The following HERC1 variants were observed in gnomAD, a reference collection of about 807,000 sequenced individuals.
HERC1 encodes the protein HECT and RLD domain containing E3 ubiquitin protein ligase family member 1.
HERC1 carries 160 observed loss-of-function variants against 554.3 expected under a neutral mutation model. The observed-to-expected ratio is 0.29, with a 90% CI of 0.25 to 0.33. The LOEUF is 0.33. Ranked by LOEUF, HERC1 falls within the 10% of genes least tolerant of loss-of-function variation. HERC1 has a pLI of 1.00. For synonymous variants in HERC1, 2,175 were observed against 2,131.7 expected (o/e 1.02, Z -0.56); for missense variants, 4,919 against 5,918.5 (o/e 0.83, Z 5.54).
At chr15:63,829,463 CATAT>C (rs61362807) in intron 1 of HERC1, among the ~76,000 whole-genome samples, 1 of 124,634 alleles carries the variant, frequency 8.0e-6, no homozygotes, top group African/African-American at 3.1e-5. Flanking sequence ...TGTGTGTGCA[CATAT>C]ATGTTTATAT....
At chr15:63,642,020 G>A (rs8027262) in intron 59 of HERC1, among the ~76,000 whole-genome samples, 123,637 of 152,014 alleles carry the variant, frequency 0.81, 52,154 homozygotes, top group Non-Finnish European at 0.88. Flanking sequence ...CTCTGGCTCT[G>A]TGGTTTATTC....
intron 42 of HERC1, among the ~76,000 whole-genome samples, chr15:63,665,349 T>C (rs2070568293): frequency 6.6e-6 from 1 of 152,122 alleles, no homozygotes; most frequent in Non-Finnish European, 1.5e-5. Flanking sequence ...CTGGCCAACA[T>C]GGTGAAACCC....
chr15:63,635,075 T>TA, intron 65 of HERC1, 187 bp from the exon 66 acceptor site: 1 of 402,572 alleles, frequency 2.5e-6, no homozygotes, highest in South Asian at 3.2e-5. Context: ...AGAGACAGTG[T>TA]CTTGCTCTGT....
chr15:63,716,377 T>G lies in HERC1; in HGVS notation c.4075A>C (p.Arg1359=). Residue 1359 remains arginine (R), a synonymous_variant, in exon 22 of 78, where the codon AGA becomes CGA. Transcript: ENST00000443617. The part of the protein sequence containing the change: ...EEAEMEEQAE[R]DREEGHPEPE... ...TCCGGATGCCCCTCTTCCCGGTCTC[T>G]CTCAGCCTGTTCTTCCATTTCAGCT... 6.2e-7 allele frequency: 1 copy of G among 1,613,900 alleles called. No homozygotes were observed. The highest frequency in any genetic ancestry group is 8.5e-7 in the Non-Finnish European group (1 of 1,179,834).
At chr15:63,644,657 C>T (rs945467751) in intron 57 of HERC1, among the ~76,000 whole-genome samples, 5 of 152,142 alleles carry the variant, frequency 3.3e-5, no homozygotes, top group African/African-American at 9.7e-5. Flanking sequence ...ATTCTGGCAT[C>T]AGTTGGAGAT....
chr15:63,746,816 T>C lies in HERC1; in HGVS notation c.2520+102A>G, dbSNP rs1596140184. 7.9e-6 allele frequency: 8 copies of C among 1,016,842 alleles called. No individual in the cohort carries two copies. In the East Asian group the frequency reaches 8.0e-5, roughly 10 times the overall value. The allele number at this position is 1,016,842 out of a possible 1,614,324, so 63.0% of individuals were successfully genotyped here. ...GAAAACAGGAGTAAGGGAAACAACA[T>C]CCAATTGAAATTGTCCAATGTACAG... is the stretch of plus-strand genomic sequence containing the variant. On this transcript the variant is annotated intron_variant, in intron 12 of 77. Transcript: ENST00000443617.
chr15:63,829,557 GTGTGTATATA>G (rs2078076337), intron 1 of HERC1, among the ~76,000 whole-genome samples: 4 of 66,232 alleles, frequency 6.0e-5, no homozygotes, highest in Admixed American at 1.4e-4. Context: ...GTGTGTGTGT[GTGTGTATATA>G]TATATATATA....
At chr15:63,807,185 C>A (rs1187821495) in intron 1 of HERC1, among the ~76,000 whole-genome samples, 1 of 152,160 alleles carries the variant, frequency 6.6e-6, no homozygotes, top group African/African-American at 2.4e-5. Context: ...TTGCCCCCAA[C>A]CTCCTCAAAT....
intron 34 of HERC1, among the ~76,000 whole-genome samples, chr15:63,683,701 T>C (rs76189419): frequency 0.03 from 4,556 of 152,300 alleles, 218 homozygotes; most frequent in African/African-American, 0.1. Flanking sequence ...CAGGCTGGCA[T>C]GCAGTAGTGT....
chr15:63,658,479 C>G (rs917618844), intron 48 of HERC1, 65 bp downstream of exon 48: 1 of 1,434,616 alleles, frequency 7.0e-7, no homozygotes, highest in African/African-American at 1.4e-5. Flanking sequence ...CCAAACACCA[C>G]CAGACTTCCA....
Position 63,663,169 on chromosome 15 carries a change from G to C in HERC1, c.8716C>G (p.Gln2906Glu), listed in dbSNP as rs371585821. The change falls in exon 44 of 78, where the codon CAA (glutamine) becomes GAA (glutamate). Residue 2906 changes from glutamine to glutamate, a missense_variant. Transcript: ENST00000443617. ...LYRSVQAHRN[Q>E]SRREGISLQQ... is the part of the protein sequence containing the mutation. ...AAAGATATTCCTTCTCTCCGACTTTGATTCCTGTGGGCCTGCACAGAGCGG... is the reference window on the plus strand; with the variant it reads ...AAAGATATTCCTTCTCTCCGACTTTCATTCCTGTGGGCCTGCACAGAGCGG... 3.7e-6 allele frequency: 6 copies of C among 1,613,826 alleles called. No individual in the cohort carries two copies. The African/African-American group carries it at 5.3e-5, about 14-fold the overall frequency.
At chr15:63,755,436 G>A (rs2075390293) in intron 5 of HERC1, 111 bp from the exon 6 acceptor site, 1 of 809,736 alleles carries the variant, frequency 1.2e-6, no homozygotes, top group Admixed American at 2.1e-5. Flanking sequence ...AACCCATCCA[G>A]GAATTTCCAG....
At chr15:63,655,614 A>T in intron 50 of HERC1, 128 bp downstream of exon 50, 1 of 646,646 alleles carries the variant, frequency 1.5e-6, no homozygotes, top group Non-Finnish European at 2.6e-6. Context: ...GTATCTATGC[A>T]CTTCTTTTAT....
At chr15:63,610,519 A>G (rs1171850248) in intron 77 of HERC1, among the ~76,000 whole-genome samples, 1 of 152,220 alleles carries the variant, frequency 6.6e-6, no homozygotes, top group Non-Finnish European at 1.5e-5. Context: ...GCTGAGTAGA[A>G]ATGAGCCATT....
At position 63,689,577 on chromosome 15, in the gene HERC1, AAAACC is replaced by A. The variant is rs754839829; in HGVS notation, c.6048+7_6048+11del. ...TGCTGTTAAGAAATACCTTTTAGGA[AAAACC>A]AATTACCTGTAGTTTTATTTCTTGT... is the stretch of plus-strand genomic sequence containing the variant. On this transcript the variant is annotated splice_region_variant and intron_variant, in intron 33 of 77. Transcript: ENST00000443617. 1 of 1,461,808 alleles carries A rather than the reference AAAACC, an allele frequency of 6.8e-7. No individual in the cohort carries two copies. Among genetic ancestry groups the A allele is most frequent in the African/African-American group, 1.4e-5 (1 of 70,326 alleles). 90.6% of individuals were successfully genotyped at this position (1,461,808 alleles called of 1,614,324 possible). A position where few individuals can be genotyped will look rare whatever the true frequency, so the allele number is the denominator to read the frequency against.
chr15:63,658,396 A>AT (rs2070166168), intron 48 of HERC1, 148 bp downstream of exon 48: 5 of 594,754 alleles, frequency 8.4e-6, no homozygotes, highest in Non-Finnish European at 1.4e-5. Context: ...GATTGAGTGA[A>AT]TAACAATGAC....
chr15:63,749,686 C>T lies in HERC1; in HGVS notation c.2008G>A (p.Val670Ile). 1 of 1,595,932 alleles carries T rather than the reference C, an allele frequency of 6.3e-7. No homozygotes were observed. Among genetic ancestry groups the T allele is most frequent in the East Asian group, 2.3e-5 (1 of 44,146 alleles). The change falls in exon 9 of 78, where the codon GTT becomes ATT. Residue 670 changes from valine (V) to isoleucine (I), a missense_variant. Physicochemically the swap from Val to Ile is conservative, Grantham distance 29 (BLOSUM62 3). Coordinates refer to ENST00000443617, the MANE Select transcript of HERC1 (RefSeq NM_003922.4). This position sits in a 1 kb window ranked among gnomAD's most constrained non-coding sequence, Gnocchi z 4.1. ...EELAATRIVD[V>I]SIGDSHCLAL... is the part of the protein sequence containing the mutation. ...AAACAATGACTGTCTCCAATAGAAACATCAACTATTCTTGTGGCAGCCAGT... is the reference window on the plus strand; with the variant it reads ...AAACAATGACTGTCTCCAATAGAAATATCAACTATTCTTGTGGCAGCCAGT...
At position 63,612,394 on chromosome 15, in the gene HERC1, G is replaced by A; in HGVS notation, c.14257C>T (p.Leu4753=). The part of the protein sequence containing the change: ...RYREVDEQHQ[L]VQWFWHTLEE... ...AGCGTGTGCCAGAACCACTGCACCA[G>A]CTGATGCTGCTCATCCACCTCACGG... The change falls in exon 77 of 78, where the codon CTG becomes TTG. Residue 4753 remains leucine, a synonymous_variant. Transcript: ENST00000443617. The surrounding 1 kb of genome is among the most constrained non-coding windows in gnomAD (Gnocchi z 5.0). 1 of 1,614,008 alleles carries A rather than the reference G, an allele frequency of 6.2e-7. No individual in the cohort carries two copies. The highest frequency in any genetic ancestry group is 2.2e-5 in the East Asian group (1 of 44,884).
At chr15:63,822,149 T>C (rs565281250) in intron 1 of HERC1, among the ~76,000 whole-genome samples, 4 of 152,192 alleles carry the variant, frequency 2.6e-5, no homozygotes, top group African/African-American at 7.2e-5. Flanking sequence ...CCTGGGAGTC[T>C]GCCTGGCCCG....
Sources: allele counts gnomAD v4.1 joint callset (sites outside exome capture counted in the v4.1 genomes callset), GRCh38; gene constraint gnomAD v4.1.1; non-coding constraint Gnocchi (gnomAD v3.1); transcripts MANE v1.5; gene names NCBI Gene and HGNC (gene_info 2026-07-23, HGNC 2026-07-21).